TSPEAR: variants seen among roughly 807,000 people sequenced by gnomAD.
TSPEAR encodes the protein thrombospondin type laminin G domain and EAR repeats, also known as thrombospondin-type laminin G domain and EAR repeat-containing protein.
Under a neutral mutation model 71.6 loss-of-function variants are expected in TSPEAR, and 69 were observed. That is an observed-to-expected ratio of 0.96 (90% CI 0.79 to 1.18). The LOEUF is 1.18. Among genes scored for constraint, TSPEAR ranks in the 50% most tolerant of loss-of-function variants. TSPEAR has a pLI of 0.00. For missense variants in TSPEAR, 971 were observed against 894.9 expected, an observed-to-expected ratio of 1.09 and a Z score of -1.09; for synonymous variants, 402 against 387.2, an observed-to-expected ratio of 1.04 and a Z score of -0.45.
chr21:44,691,204 C>T (rs889446378), intron 1 of TSPEAR, among the ~76,000 whole-genome samples: 1 of 152,110 alleles, frequency 6.6e-6, no homozygotes, highest in Non-Finnish European at 1.5e-5. Context: ...TGCTTTGAGT[C>T]CCTCTCTCTC....
chr21:44,524,432 C>A (rs1228884895), intron 8 of TSPEAR, among the ~76,000 whole-genome samples: 5 of 150,896 alleles, frequency 3.3e-5, no homozygotes, highest in Non-Finnish European at 5.9e-5. Context: ...GGCAGTCAAT[C>A]AATGAGTCAG....
At chr21:44,509,707 T>G in intron 9 of TSPEAR, 1 of 337,460 alleles carries the variant, frequency 3.0e-6, no homozygotes, top group Non-Finnish European at 5.6e-6. Flanking sequence ...GCACTCCTGC[T>G]GGCAGCCTCC....
At chr21:44,504,959 C>A in intron 10 of TSPEAR, 78 bp from the exon 11 acceptor site, 1 of 1,189,954 alleles carries the variant, frequency 8.4e-7, no homozygotes, top group Non-Finnish European at 1.2e-6. Context: ...AAGCTACCTC[C>A]AAAATTTATA....
At chr21:44,510,332 A>C (rs1366051852) in intron 9 of TSPEAR, among the ~76,000 whole-genome samples, 1 of 151,702 alleles carries the variant, frequency 6.6e-6, no homozygotes, top group Non-Finnish European at 1.5e-5. Flanking sequence ...TCTCTTCCTG[A>C]CTCACCCCCG....
In TSPEAR at chr21:44,710,576, C is replaced by T. The variant is rs1236740279; in HGVS notation, c.82+857G>A. Among the ~76,000 whole-genome samples, 1 of 152,166 alleles carries T rather than the reference C, an allele frequency of 6.6e-6. No homozygotes were observed. The highest frequency in any genetic ancestry group is 2.4e-5 in the African/African-American group (1 of 41,406). On this transcript the variant is annotated intron_variant, in intron 1 of 11. Coordinates refer to ENST00000323084, the MANE Select transcript of TSPEAR (RefSeq NM_144991.3). This position sits in a 1 kb window ranked among gnomAD's most constrained non-coding sequence, Gnocchi z 4.6. ...CATCTATTCCAGGGAACCAAGGATGCATGATTTGCAAACAAAACCAGAAGC... is the reference window on the plus strand; with the variant it reads ...CATCTATTCCAGGGAACCAAGGATGTATGATTTGCAAACAAAACCAGAAGC...
At chr21:44,697,583 T>C in intron 1 of TSPEAR, 10 of 1,612,864 alleles carry the variant, frequency 6.2e-6, no homozygotes, top group Non-Finnish European at 8.5e-6. Flanking sequence ...CTGTGGGCCT[T>C]CTTCTTCATG....
In TSPEAR at chr21:44,546,664, T is replaced by C. The variant is rs1201007994; in HGVS notation, c.304-12741A>G. Among the ~76,000 whole-genome samples the C allele has an allele frequency of 6.6e-6, 1 of 152,250 alleles. No homozygotes were observed. The highest frequency in any genetic ancestry group is 1.5e-5 in the Non-Finnish European group (1 of 68,036). ...TTTGAAGGATAATTTTGTCAGATGC[T>C]GATGCCTTTTTGGTTGTTGGTTTCC... On this transcript the variant is annotated intron_variant, in intron 2 of 11. Transcript: ENST00000323084. This position sits in a 1 kb window ranked among gnomAD's most constrained non-coding sequence, Gnocchi z 4.4.
intron 1 of TSPEAR, chr21:44,658,271 C>T (rs1555943000): frequency 1.2e-6 from 2 of 1,612,856 alleles, no homozygotes; most frequent in South Asian, 1.1e-5. Context: ...CTGCTGCTGA[C>T]CAGCTGCTCC....
chr21:44,669,453 G>A (rs185408290), intron 1 of TSPEAR, among the ~76,000 whole-genome samples: 1 of 152,214 alleles, frequency 6.6e-6, no homozygotes, highest in East Asian at 1.9e-4. Flanking sequence ...AAAGCACTGG[G>A]CATTCTCCCC....
chr21:44,591,975 A>C, intron 1 of TSPEAR: 1 of 1,574,646 alleles, frequency 6.4e-7, no homozygotes, highest in Non-Finnish European at 8.6e-7. Context: ...GGCAGCACGA[A>C]GAGGAAATCC....
intron 1 of TSPEAR, among the ~76,000 whole-genome samples, chr21:44,656,580 CT>C (rs1166224057): frequency 3.3e-5 from 5 of 152,024 alleles, no homozygotes; most frequent in Non-Finnish European, 7.4e-5. Flanking sequence ...TGAGAAGTGT[CT>C]TTTTTTTCCA....
At position 44,672,996 on chromosome 21, in the gene TSPEAR, A is replaced by G. The variant is rs148491399; in HGVS notation, c.82+38437T>C. Among the ~76,000 whole-genome samples the G allele has an allele frequency of 3.7e-3, 559 of 152,306 alleles. 9 individuals carry two copies. Among genetic ancestry groups the G allele is most frequent in the African/African-American group, 0.013 (532 of 41,556 alleles). ...TGAGCCAATTAATCCTCTTTTCTTT[A>G]TAAATTACCCAGTCTCAGGTAGTTC... On this transcript the variant is annotated intron_variant, in intron 1 of 11. Coordinates refer to ENST00000323084, the MANE Select transcript of TSPEAR (RefSeq NM_144991.3).
At chr21:44,598,284 G>A (rs759546115) in intron 1 of TSPEAR, among the ~76,000 whole-genome samples, 2 of 152,152 alleles carry the variant, frequency 1.3e-5, no homozygotes, top group Non-Finnish European at 2.9e-5. Context: ...TTAGCCAATC[G>A]GGTCTAGTTT....
chr21:44,608,444 CTTTTG>C (rs1293105644), intron 1 of TSPEAR, among the ~76,000 whole-genome samples: 2 of 152,176 alleles, frequency 1.3e-5, no homozygotes, highest in East Asian at 3.8e-4. Context: ...CCAATTGGGA[CTTTTG>C]TTTTTGTTTT....
At chr21:44,601,433 G>A (rs1387677480) in intron 1 of TSPEAR, 3 of 1,611,348 alleles carry the variant, frequency 1.9e-6, no homozygotes, top group Middle Eastern at 3.3e-4. Context: ...CCCGTCTGCT[G>A]TAAGCCTGTG....
intron 1 of TSPEAR, among the ~76,000 whole-genome samples, chr21:44,689,739 A>ATTTTTTT (rs1420649057): frequency 3.1e-5 from 4 of 128,172 alleles, no homozygotes; most frequent in African/African-American, 1.3e-4. Flanking sequence ...ATATATATAT[A>ATTTTTTT]TTTTGGGGGG....
chr21:44,639,162 G>A (rs1261854598), intron 1 of TSPEAR, among the ~76,000 whole-genome samples: 12 of 152,172 alleles, frequency 7.9e-5, no homozygotes, highest in Non-Finnish European at 1.6e-4. Context: ...TTTTGGTCCC[G>A]TGGTCCTGGA....
intron 2 of TSPEAR, among the ~76,000 whole-genome samples, chr21:44,559,646 A>G (rs1414335740): frequency 6.6e-6 from 1 of 152,184 alleles, no homozygotes; most frequent in Non-Finnish European, 1.5e-5. Context: ...TAAATGTACA[A>G]ATAAAAGGGT....
chr21:44,629,284 C>T (rs1983111003), intron 1 of TSPEAR, among the ~76,000 whole-genome samples: 1 of 152,194 alleles, frequency 6.6e-6, no homozygotes, highest in Non-Finnish European at 1.5e-5. Context: ...TGACAAAGTC[C>T]ACGGACTGGG....
Sources: gnomAD v4.1 joint callset for allele counts (sites outside exome capture counted in the v4.1 genomes callset) on GRCh38, gnomAD v4.1.1 for gene constraint, Gnocchi (gnomAD v3.1) non-coding constraint, MANE v1.5 for transcripts, NCBI Gene and HGNC (gene_info 2026-07-23, HGNC 2026-07-21) for gene names.